RETREG1: variants seen among roughly 807,000 people sequenced by gnomAD.
The protein encoded by RETREG1 is family with sequence similarity 134 member B.
RETREG1 carries 44 observed loss-of-function variants against 54.8 expected under a neutral mutation model. That is an observed-to-expected ratio of 0.80 (90% confidence interval 0.63 to 1.03). The LOEUF is 1.03. Ranked by LOEUF, RETREG1 falls within the 50% of genes least tolerant of loss-of-function variation. The probability of loss-of-function intolerance (pLI) is 0.00; values close to 1 mark genes in which losing one functional copy is unlikely to be tolerated. For missense variants in RETREG1, 554 were observed against 605.1 expected (o/e 0.92, Z 0.89); for synonymous variants, 217 against 238.5 (o/e 0.91, Z 0.83).
intron 1 of RETREG1, among the ~76,000 whole-genome samples, chr5:16,582,607 A>T (rs1742518321): frequency 6.6e-6 from 1 of 151,384 alleles, no homozygotes; most frequent in African/African-American, 2.4e-5. Flanking sequence ...AGATGCAGAG[A>T]AAGTTTCGAA....
At chr5:16,563,748 T>C (rs1165564477) in intron 3 of RETREG1, among the ~76,000 whole-genome samples, 1 of 152,218 alleles carries the variant, frequency 6.6e-6, no homozygotes, top group African/African-American at 2.4e-5. Context: ...TTGTTTTTAT[T>C]GAAAAGTTTT....
intron 3 of RETREG1, among the ~76,000 whole-genome samples, chr5:16,516,432 C>T (rs1007747214): frequency 6.6e-6 from 1 of 152,194 alleles, no homozygotes; most frequent in African/African-American, 2.4e-5. Context: ...TGTAGAACAG[C>T]ACAACCGAAT....
At chr5:16,556,315 C>G (rs1741707832) in intron 3 of RETREG1, among the ~76,000 whole-genome samples, 1 of 152,014 alleles carries the variant, frequency 6.6e-6, no homozygotes, top group South Asian at 2.1e-4. Context: ...GCCGCCACGC[C>G]CGGCTAATTT....
At chr5:16,517,627 C>T (rs1740401846) in intron 3 of RETREG1, among the ~76,000 whole-genome samples, 1 of 152,138 alleles carries the variant, frequency 6.6e-6, no homozygotes, top group Non-Finnish European at 1.5e-5. Flanking sequence ...ACCTCAGACT[C>T]CATGCTGCGT....
intron 1 of RETREG1, among the ~76,000 whole-genome samples, chr5:16,580,889 G>A (rs1742461038): frequency 1.3e-5 from 2 of 152,204 alleles, no homozygotes; most frequent in South Asian, 2.1e-4. Flanking sequence ...GCATCCCCAA[G>A]ATATTGCAAC....
At chr5:16,547,480 G>C (rs963960495) in intron 3 of RETREG1, among the ~76,000 whole-genome samples, 5 of 152,128 alleles carry the variant, frequency 3.3e-5, no homozygotes, top group Non-Finnish European at 7.3e-5. Flanking sequence ...AACTGTTGGC[G>C]CTCTTAACTT....
chr5:16,595,366 C>T (rs550163849), intron 1 of RETREG1, among the ~76,000 whole-genome samples: 1 of 152,124 alleles, frequency 6.6e-6, no homozygotes, highest in Non-Finnish European at 1.5e-5. Context: ...AGGTCAACAG[C>T]TCTTTCAGAG....
At chr5:16,481,461 C>T (rs1001701044) in intron 4 of RETREG1, among the ~76,000 whole-genome samples, 3 of 152,018 alleles carry the variant, frequency 2.0e-5, no homozygotes, top group South Asian at 2.1e-4. Flanking sequence ...GAAATTAATG[C>T]GGCCTGATAA....
At position 16,521,335 on chromosome 5, in the gene RETREG1, G is replaced by A. The variant is rs538963070; in HGVS notation, c.459-37863C>T. Among the ~76,000 whole-genome samples, 62 of 152,216 alleles carry A rather than the reference G, an allele frequency of 4.1e-4. 2 individuals carry two copies. Among genetic ancestry groups the A allele is most frequent in the African/African-American group, 1.3e-3 (56 of 41,532 alleles). ...CTTGTAAAAACCAAATTCCCTAGGG[G>A]GTTAGTATTGCCGCTGGTTCAAGCT... On this transcript the variant is annotated intron_variant, in intron 3 of 8. Transcript: ENST00000306320.
chr5:16,557,460 A>T (rs1340510627), intron 3 of RETREG1, among the ~76,000 whole-genome samples: 1 of 152,240 alleles, frequency 6.6e-6, no homozygotes, highest in African/African-American at 2.4e-5. Context: ...AATTTAAAAA[A>T]TTAACCACAG....
intron 3 of RETREG1, among the ~76,000 whole-genome samples, chr5:16,501,835 A>G (rs35413922): frequency 0.26 from 39,302 of 152,002 alleles, 5,359 homozygotes; most frequent in Middle Eastern, 0.33. Context: ...ATGAGCCACC[A>G]CGCCCAGCCT....
rs1235561976 is a variant in RETREG1 at position 16,474,781 on chromosome 5, T to G, written c.1454A>C (p.Lys485Thr). 6.2e-7 allele frequency: 1 copy of G among 1,613,616 alleles called. No homozygotes were observed. ...CAGATTTGAAAGGAAACCTGAAGACTTCTTATTTTGCTGTGCTTCTGCTTC... is the reference window on the plus strand; with the variant it reads ...CAGATTTGAAAGGAAACCTGAAGACGTCTTATTTTGCTGTGCTTCTGCTTC... ...DQEAEAQQNKKSSGFLSNLLG... is the reference protein window; with the variant it reads ...DQEAEAQQNKTSSGFLSNLLG... Residue 485 changes from lysine (K) to threonine (T), a missense_variant, in exon 9 of 9, where the codon AAG (lysine) becomes ACG (threonine). Physicochemically the swap from Lys to Thr is moderately conservative, Grantham distance 78. Transcript: ENST00000306320.
intron 3 of RETREG1, among the ~76,000 whole-genome samples, chr5:16,538,835 G>A (rs1741154707): frequency 1.3e-5 from 2 of 152,188 alleles, no homozygotes. Flanking sequence ...CTCCCGAGTG[G>A]CTGGGACTAC....
chr5:16,542,515 GTC>G (rs1170702753), intron 3 of RETREG1, among the ~76,000 whole-genome samples: 3 of 152,178 alleles, frequency 2.0e-5, no homozygotes, highest in Non-Finnish European at 1.5e-5. Context: ...ACCTACTGCA[GTC>G]TCTGTTTTTA....
chr5:16,474,324 G>A lies in RETREG1; in HGVS notation c.*417C>T, dbSNP rs558173114. 6.3e-5 allele frequency: 10 copies of A among 158,552 alleles called. No individual in the cohort carries two copies. The South Asian group carries it at 1.1e-3, about 17-fold the overall frequency. The allele number at this position is 158,552 out of a possible 1,614,324, so 9.8% of individuals were successfully genotyped here. ...CCAGGTATTAGGAATAAGGAAGCTG[G>A]TAACAGCATGTATTCACAATTAATT... On this transcript the variant is annotated 3_prime_UTR_variant, in exon 9 of 9. Transcript: ENST00000306320.
chr5:16,563,744 T>C (rs1363498959), intron 3 of RETREG1, among the ~76,000 whole-genome samples: 3 of 152,228 alleles, frequency 2.0e-5, no homozygotes, highest in Admixed American at 1.3e-4. Flanking sequence ...GAAATTGTTT[T>C]TATTGAAAAG....
chr5:16,483,579 T>C, intron 3 of RETREG1, 107 bp from the exon 4 acceptor site: 1 of 1,196,702 alleles, frequency 8.4e-7, no homozygotes, highest in South Asian at 1.3e-5. Flanking sequence ...CCACACCCTC[T>C]GGAAAAGCCC....
intron 3 of RETREG1, among the ~76,000 whole-genome samples, chr5:16,494,617 C>T (rs2442669): frequency 0.077 from 11,793 of 152,246 alleles, 538 homozygotes; most frequent in East Asian, 0.21. Flanking sequence ...CCATGATTGG[C>T]AGCTTCCTTA....
intron 3 of RETREG1, among the ~76,000 whole-genome samples, chr5:16,492,537 T>C (rs1334696378): frequency 6.6e-6 from 1 of 151,798 alleles, no homozygotes; most frequent in Non-Finnish European, 1.5e-5. Context: ...GCTGCAACCA[T>C]CACACCTATA....
Sources: gnomAD v4.1 joint callset for allele counts (sites outside exome capture counted in the v4.1 genomes callset) on GRCh38, gnomAD v4.1.1 for gene constraint, MANE v1.5 for transcripts, NCBI Gene and HGNC (gene_info 2026-07-23, HGNC 2026-07-21) for gene names.